RFTN1: variants seen among roughly 807,000 people sequenced by gnomAD.
The protein encoded by RFTN1 is raftlin.
A neutral mutation model predicts 46.5 loss-of-function variants in RFTN1; 26 were observed. The observed-to-expected ratio is 0.56, with a 90% confidence interval of 0.41 to 0.78. RFTN1 has a LOEUF of 0.78. RFTN1 is among the 30% of genes least tolerant of loss of function. The pLI is 0.00. For synonymous variants in RFTN1, 261 were observed against 284.2 expected, an observed-to-expected ratio of 0.92 and a Z score of 0.82; for missense variants, 693 against 718.7, an observed-to-expected ratio of 0.96 and a Z score of 0.41.
Position 16,481,104 on chromosome 3 carries a change from T to G in RFTN1, c.145+12621A>C, listed in dbSNP as rs193136205. Among the ~76,000 whole-genome samples the G allele has an allele frequency of 5.3e-5, 8 of 152,154 alleles. No homozygotes were observed. In the South Asian group the frequency reaches 1.0e-3, roughly 20 times the overall value. Reference sequence around the variant, plus strand: ...ATTTAGAGTAGCTGGGAAAACAGCATGAAGAGTTTTTACATTCAGAAAGGA... The same window carrying G: ...ATTTAGAGTAGCTGGGAAAACAGCAGGAAGAGTTTTTACATTCAGAAAGGA... On this transcript the variant is annotated intron_variant, in intron 2 of 9. Transcript: ENST00000334133. This position sits in a 1 kb window ranked among gnomAD's most constrained non-coding sequence, Gnocchi z 5.1.
rs1422343734 is a variant in RFTN1 at position 16,506,086 on chromosome 3, AC to A, written c.-9+7355del. Among the ~76,000 whole-genome samples the A allele has an allele frequency of 6.6e-6, 1 of 152,214 alleles. No individual in the cohort carries two copies. The highest frequency in any genetic ancestry group is 2.4e-5 in the African/African-American group (1 of 41,444). On this transcript the variant is annotated intron_variant, in intron 1 of 9. Coordinates refer to ENST00000334133, the MANE Select transcript of RFTN1 (RefSeq NM_015150.2). The surrounding 1 kb of genome is among the most constrained non-coding windows in gnomAD (Gnocchi z 4.8). Reference sequence around the variant, plus strand: ...ATTTTTAAAGTATGCCAACTAGAAAACAACAATGCAGGGGGGAGGGATAGCA... The same window carrying A: ...ATTTTTAAAGTATGCCAACTAGAAAAAACAATGCAGGGGGGAGGGATAGCA...
chr3:16,500,643 C>G lies in RFTN1; in HGVS notation c.-8-6766G>C, dbSNP rs1232363164. ...GCAAATGATCTGGAAACAAAGATCC[C>G]TTGAATGGTGATCTTCTGGAAAAAA... On this transcript the variant is annotated intron_variant, in intron 1 of 9. Coordinates refer to ENST00000334133, the MANE Select transcript of RFTN1 (RefSeq NM_015150.2). The surrounding 1 kb of genome is among the most constrained non-coding windows in gnomAD (Gnocchi z 5.9). Among the ~76,000 whole-genome samples, 1 of 152,184 alleles carries G rather than the reference C, an allele frequency of 6.6e-6. No individual in the cohort carries two copies. The highest frequency in any genetic ancestry group is 1.5e-5 in the Non-Finnish European group (1 of 68,026).
At position 16,473,552 on chromosome 3, in the gene RFTN1, C is replaced by T. The variant is rs796264383; in HGVS notation, c.145+20173G>A. Among the ~76,000 whole-genome samples the T allele has an allele frequency of 6.6e-6, 1 of 152,036 alleles. No individual in the cohort carries two copies. The highest frequency in any genetic ancestry group is 1.5e-5 in the Non-Finnish European group (1 of 67,962). Reference sequence around the variant, plus strand: ...AGGAGCTGGGACTACAGGCATGCACCGCCCTGCCTGGCTAATTTTTTTGTA... The same window carrying T: ...AGGAGCTGGGACTACAGGCATGCACTGCCCTGCCTGGCTAATTTTTTTGTA... On this transcript the variant is annotated intron_variant, in intron 2 of 9. Coordinates refer to ENST00000334133, the MANE Select transcript of RFTN1 (RefSeq NM_015150.2). The surrounding 1 kb of genome is among the most constrained non-coding windows in gnomAD (Gnocchi z 5.3).
At chr3:16,408,592 A>C (rs953580720) in intron 4 of RFTN1, among the ~76,000 whole-genome samples, 12 of 147,098 alleles carry the variant, frequency 8.2e-5, no homozygotes, top group Non-Finnish European at 1.8e-4. Flanking sequence ...TAGACCCTAC[A>C]GTTAGGCACA....
At chr3:16,493,235 C>CTT (rs5846926) in intron 2 of RFTN1, among the ~76,000 whole-genome samples, 1 of 142,832 alleles carries the variant, frequency 7.0e-6, no homozygotes. Flanking sequence ...TAATTCGTTG[C>CTT]TTTTTTTTTT....
chr3:16,388,668 C>A (rs2074268039), intron 4 of RFTN1, among the ~76,000 whole-genome samples: 1 of 152,124 alleles, frequency 6.6e-6, no homozygotes, highest in African/African-American at 2.4e-5. Context: ...AGTCAATCTT[C>A]CCCTCAGGAA....
In RFTN1 at chr3:16,322,813, T is replaced by A. The variant is rs1574950649; in HGVS notation, c.1332+563A>T. The stretch of plus-strand genomic sequence containing the variant: ...GAGAGGGGGAAAAGGGCCCTGGGGA[T>A]CTCTTGAGGACAGCCTGGCCTGAGG... On this transcript the variant is annotated intron_variant, in intron 9 of 9. Coordinates refer to ENST00000334133, the MANE Select transcript of RFTN1 (RefSeq NM_015150.2). The surrounding 1 kb of genome is among the most constrained non-coding windows in gnomAD (Gnocchi z 6.2). Among the ~76,000 whole-genome samples the A allele has an allele frequency of 6.6e-6, 1 of 152,162 alleles. No individual in the cohort carries two copies. The highest frequency in any genetic ancestry group is 1.9e-4 in the East Asian group (1 of 5,172).
chr3:16,394,288 G>C (rs2074418881), intron 4 of RFTN1, among the ~76,000 whole-genome samples: 1 of 152,128 alleles, frequency 6.6e-6, no homozygotes, highest in African/African-American at 2.4e-5. Context: ...GAGCAGGGAG[G>C]ATGGCTTGAG....
intron 1 of RFTN1, among the ~76,000 whole-genome samples, chr3:16,501,875 A>G (rs60685856): frequency 0.016 from 2,371 of 152,342 alleles, 61 homozygotes; most frequent in African/African-American, 0.054. Flanking sequence ...GTACCCGTCG[A>G]AAGTGTTCCT....
intron 5 of RFTN1, chr3:16,371,066 T>C (rs1316545579): frequency 6.6e-6 from 1 of 152,256 alleles, no homozygotes; most frequent in East Asian, 1.9e-4. Context: ...AATCTAAGTC[T>C]GAGAGTCTAT....
At chr3:16,369,942 A>G in intron 6 of RFTN1, 134 bp downstream of exon 6, 1 of 827,156 alleles carries the variant, frequency 1.2e-6, no homozygotes, top group Non-Finnish European at 1.9e-6. Context: ...TGTGTTAATT[A>G]GAAATAAAAT....
chr3:16,453,276 C>G (rs998963071), intron 2 of RFTN1, among the ~76,000 whole-genome samples: 1 of 152,202 alleles, frequency 6.6e-6, no homozygotes. Context: ...CTAATGTTCT[C>G]ATTCTATAGA....
chr3:16,360,564 T>G (rs1208277748), intron 6 of RFTN1, among the ~76,000 whole-genome samples: 1 of 152,220 alleles, frequency 6.6e-6, no homozygotes, highest in East Asian at 1.9e-4. Context: ...CTGTACAATC[T>G]TTATAGAAAG....
In RFTN1 at chr3:16,448,867, C is replaced by T. The variant is rs180690890; in HGVS notation, c.146-14830G>A. Among the ~76,000 whole-genome samples the T allele has an allele frequency of 1.6e-4, 25 of 152,226 alleles. No homozygotes were observed. The highest frequency in any genetic ancestry group is 9.6e-4 in the East Asian group (5 of 5,184). On this transcript the variant is annotated intron_variant, in intron 2 of 9. Coordinates refer to ENST00000334133, the MANE Select transcript of RFTN1 (RefSeq NM_015150.2). This position sits in a 1 kb window ranked among gnomAD's most constrained non-coding sequence, Gnocchi z 4.1. ...TAACTGCTGGAGGCAAGCAGCCAGC[C>T]GGCATCCCACAGAGATTATTCATAG...
intron 2 of RFTN1, among the ~76,000 whole-genome samples, chr3:16,478,115 A>T (rs2076311816): frequency 6.6e-6 from 1 of 152,178 alleles, no homozygotes; most frequent in Admixed American, 6.5e-5. Flanking sequence ...GCTGCTAAGC[A>T]CTCACAGCTG....
chr3:16,456,879 A>G (rs1427514777), intron 2 of RFTN1, among the ~76,000 whole-genome samples: 1 of 152,240 alleles, frequency 6.6e-6, no homozygotes, highest in Non-Finnish European at 1.5e-5. Context: ...CACTCTGAGA[A>G]CCACTGACCT....
rs1369827474 is a variant in RFTN1, at chr3:16,327,556, A to G, written c.1147-680T>C. 6.6e-6 allele frequency among the ~76,000 whole-genome samples: 1 copy of G among 152,020 alleles called. No individual in the cohort carries two copies. Among genetic ancestry groups the G allele is most frequent in the African/African-American group, 2.4e-5 (1 of 41,396 alleles). On this transcript the variant is annotated intron_variant, in intron 7 of 9. Transcript: ENST00000334133. The surrounding 1 kb of genome is among the most constrained non-coding windows in gnomAD (Gnocchi z 4.2). ...AGGTGGATCACATGGTCAGGAGATC[A>G]AGACCATCCTGGCTAACACAGTGAA...
At chr3:16,369,607 G>A (rs554316566) in intron 6 of RFTN1, among the ~76,000 whole-genome samples, 5 of 152,344 alleles carry the variant, frequency 3.3e-5, no homozygotes, top group Admixed American at 6.5e-5. Context: ...GGAGACCTGG[G>A]AACAGTGTGT....
rs690548 is a variant in RFTN1 at position 16,385,047 on chromosome 3, C to T, written c.442-6945G>A. The stretch of plus-strand genomic sequence containing the variant: ...CCCTAGATCAGACCACTGCCCACTC[C>T]GGCCCTCCCTCATAACTCACACGCC... On this transcript the variant is annotated intron_variant, in intron 4 of 9. Coordinates refer to ENST00000334133, the MANE Select transcript of RFTN1 (RefSeq NM_015150.2). The surrounding 1 kb of genome is among the most constrained non-coding windows in gnomAD (Gnocchi z 5.0). Among the ~76,000 whole-genome samples the T allele has an allele frequency of 0.41, 62,664 of 152,028 alleles. 13,915 individuals carry two copies. Among genetic ancestry groups the T allele is most frequent in the African/African-American group, 0.57 (23,505 of 41,452 alleles).
Sources: allele counts gnomAD v4.1 joint callset (sites outside exome capture counted in the v4.1 genomes callset), GRCh38; gene constraint gnomAD v4.1.1; non-coding constraint Gnocchi (gnomAD v3.1); transcripts MANE v1.5; gene names NCBI Gene and HGNC (gene_info 2026-07-23, HGNC 2026-07-21).